SSTR3: variants seen among roughly 807,000 people sequenced by gnomAD.
The protein encoded by SSTR3 is somatostatin receptor 3.
For synonymous variants in SSTR3, 281 were observed against 269.2 expected, an observed-to-expected ratio of 1.04 and a Z score of -0.43; for missense variants, 504 against 604.7, an observed-to-expected ratio of 0.83 and a Z score of 1.75.
upstream of SSTR3, among the ~76,000 whole-genome samples, chr22:37,214,587 G>A (rs1926356441): frequency 6.6e-6 from 1 of 152,128 alleles, no homozygotes; most frequent in African/African-American, 2.4e-5. Flanking sequence ...TCTGCCTTAT[G>A]TCAGTTTAAT....
chr22:37,212,204 G>A lies in SSTR3; in HGVS notation c.-416C>T, dbSNP rs1926232225. ...AGGGGAAAGGGGGTCGGGAGGAGGTGGAGAAAGAGAGAGAGAGAGAAAGAG... is the reference window on the plus strand; with the variant it reads ...AGGGGAAAGGGGGTCGGGAGGAGGTAGAGAAAGAGAGAGAGAGAGAAAGAG... On this transcript the variant is annotated 5_prime_UTR_variant, in exon 1 of 2. Coordinates refer to ENST00000610913, the MANE Select transcript of SSTR3 (RefSeq NM_001051.5). 2 of 959,662 alleles carry A rather than the reference G, an allele frequency of 2.1e-6. No homozygotes were observed. The highest frequency in any genetic ancestry group is 2.5e-6 in the Non-Finnish European group (2 of 809,730). The allele number at this position is 959,662 out of a possible 1,614,324, so 59.4% of individuals were successfully genotyped here.
the SSTR3 span, among the ~76,000 whole-genome samples, chr22:37,219,404 T>A: frequency 3.3e-5 from 4 of 121,724 alleles, no homozygotes; most frequent in African/African-American, 1.6e-4. Flanking sequence ...AGGTGGGAAC[T>A]GTATTGAATT....
chr22:37,210,733 G>A, intron 1 of SSTR3: 1 of 985,430 alleles, frequency 1.0e-6, no homozygotes, highest in Non-Finnish European at 1.2e-6. Context: ...TGGCTGTCCT[G>A]AGCCGCACAG....
rs569376369 is a variant in SSTR3, at chr22:37,211,856, C to T, written c.-68G>A. On this transcript the variant is annotated 5_prime_UTR_variant, in exon 1 of 2. Coordinates refer to ENST00000610913, the MANE Select transcript of SSTR3 (RefSeq NM_001051.5). The stretch of plus-strand genomic sequence containing the variant: ...ATGGGGTGAGGGCTTCCCTCCTTGC[C>T]GCCAGGCTGGTTATCATTCTGCTGT... The T allele has an allele frequency of 1.7e-5, 17 of 985,744 alleles. No individual in the cohort carries two copies. In the East Asian group the frequency reaches 1.2e-3, roughly 72 times the overall value. The allele number at this position is 985,744 out of a possible 1,614,324, so 61.1% of individuals were successfully genotyped here. A position where few individuals can be genotyped will look rare whatever the true frequency, so the allele number is the denominator to read the frequency against.
rs1925574951 is a variant in SSTR3, at chr22:37,204,298, T to C, written c.*2249A>G. 6.6e-6 allele frequency: 1 copy of C among 152,240 alleles called. No homozygotes were observed. Among genetic ancestry groups the C allele is most frequent in the Admixed American group, 6.5e-5 (1 of 15,286 alleles). 9.4% of individuals were successfully genotyped at this position (152,240 alleles called of 1,614,324 possible). On this transcript the variant is annotated 3_prime_UTR_variant, in exon 2 of 2. Transcript: ENST00000610913. Reference sequence around the variant, plus strand: ...CAGAAGCAGCAAAGGGTTTCCTAACTGGCCTCCCAGGGACCATTCTAGGAC... The same window carrying C: ...CAGAAGCAGCAAAGGGTTTCCTAACCGGCCTCCCAGGGACCATTCTAGGAC...
intron 1 of SSTR3, among the ~76,000 whole-genome samples, chr22:37,208,787 A>G (rs946876159): frequency 6.6e-6 from 1 of 152,132 alleles, no homozygotes; most frequent in Admixed American, 6.5e-5. Flanking sequence ...TGGAGTCTCC[A>G]GCCAGCTTTG....
upstream of SSTR3, among the ~76,000 whole-genome samples, chr22:37,213,982 T>C (rs1337636902): frequency 6.6e-6 from 1 of 152,228 alleles, no homozygotes; most frequent in African/African-American, 2.4e-5. Context: ...TGCCGTGCAC[T>C]GAACTTAAAC....
In SSTR3 at chr22:37,207,569, T is replaced by C. The variant is rs370926465; in HGVS notation, c.235A>G (p.Thr79Ala). 1.9e-6 allele frequency: 3 copies of C among 1,613,408 alleles called. No individual in the cohort carries two copies. The highest frequency in any genetic ancestry group is 2.7e-5 in the African/African-American group (2 of 74,898). ...VLRHTASPSV[T>A]NVYILNLALA... ...GCCAGGTTGAGGATGTAGACGTTGG[T>C]GACTGAAGGGCTGGCCGTGTGCCGC... Residue 79 changes from threonine to alanine, a missense_variant, in exon 2 of 2, where the codon ACC becomes GCC. Physicochemically the swap from Thr to Ala is moderately conservative, Grantham distance 58. Transcript: ENST00000610913.
the SSTR3 span, among the ~76,000 whole-genome samples, chr22:37,219,333 G>A: frequency 6.6e-6 from 1 of 152,240 alleles, no homozygotes. Flanking sequence ...AAGGGGCTGT[G>A]CCTCACCCCT....
chr22:37,211,973 G>T lies in SSTR3; in HGVS notation c.-185C>A. 2 of 985,674 alleles carry T rather than the reference G, an allele frequency of 2.0e-6. No individual in the cohort carries two copies. Among genetic ancestry groups the T allele is most frequent in the Non-Finnish European group, 2.4e-6 (2 of 830,132 alleles). The allele number at this position is 985,674 out of a possible 1,614,324, so 61.1% of individuals were successfully genotyped here. ...CACTTCTAGACCGCTTGCGGGCTCA[G>T]GTTCCCTCCCAGGCCCTCGGCCACG... On this transcript the variant is annotated 5_prime_UTR_variant, in exon 1 of 2. In the 5' UTR this introduces an upstream ATG that the reference lacks. Transcript: ENST00000610913.
rs758882673 is a variant in SSTR3, at chr22:37,207,651, G to A, written c.153C>T (p.Tyr51=). The change falls in exon 2 of 2, where the codon TAC becomes TAT. Residue 51 remains tyrosine (Y), a synonymous_variant. Coordinates refer to ENST00000610913, the MANE Select transcript of SSTR3 (RefSeq NM_001051.5). ...AVSGVLIPLV[Y]LVVCVVGLLG... is the part of the protein sequence containing the mutation. ...GCAGGCCCACCACGCACACCACCAG[G>A]TAGACCAGGGGGATCAGAACGCCAC... 6 of 1,592,364 alleles carry A rather than the reference G, an allele frequency of 3.8e-6. No individual in the cohort carries two copies. Among genetic ancestry groups the A allele is most frequent in the African/African-American group, 1.3e-5 (1 of 74,620 alleles).
intron 1 of SSTR3, 46 bp downstream of exon 1, chr22:37,211,779 C>T: frequency 1.0e-6 from 1 of 985,524 alleles, no homozygotes; most frequent in African/African-American, 1.7e-5. Flanking sequence ...GATGGGCTTC[C>T]AGGACCCCAC....
upstream of SSTR3, among the ~76,000 whole-genome samples, chr22:37,217,026 C>T (rs1926476849): frequency 6.6e-6 from 1 of 152,166 alleles, no homozygotes; most frequent in Admixed American, 6.5e-5. Flanking sequence ...GTCTTGAACT[C>T]CTGGGCTCAA....
chr22:37,219,067 T>C, the SSTR3 span, among the ~76,000 whole-genome samples: 2 of 152,200 alleles, frequency 1.3e-5, no homozygotes, highest in Non-Finnish European at 2.9e-5. Context: ...TGCTCATACA[T>C]TGTGGTTTGG....
chr22:37,220,287 C>G, the SSTR3 span, among the ~76,000 whole-genome samples: 3 of 152,084 alleles, frequency 2.0e-5, no homozygotes, highest in Non-Finnish European at 4.4e-5. Context: ...AGGGGCCTGG[C>G]ACACAGTGAA....
At chr22:37,215,448 C>T (rs1433116521), upstream of SSTR3, among the ~76,000 whole-genome samples, 7 of 152,112 alleles carry the variant, frequency 4.6e-5, no homozygotes, top group African/African-American at 1.7e-4. Context: ...TGCAGTGGTG[C>T]GATCTTGGCT....
chr22:37,218,969 C>G, the SSTR3 span, among the ~76,000 whole-genome samples: 74 of 152,168 alleles, frequency 4.9e-4, no homozygotes, highest in Non-Finnish European at 9.1e-4. Context: ...TCCAAAGCCC[C>G]TACTCCACCC....
intron 1 of SSTR3, chr22:37,210,475 C>G (rs530829329): frequency 1.0e-6 from 1 of 975,338 alleles, no homozygotes; most frequent in East Asian, 1.1e-4. Flanking sequence ...CCGGTCTTCC[C>G]TGTCAAAGTT....
rs532524360 is a variant in SSTR3, at chr22:37,206,451, A to C, written c.*96T>G. ...AGCATCAAAGTCCAGGCCCCTCAAC[A>C]TCCCATCATGGGCCTGTGGCACCTT... On this transcript the variant is annotated 3_prime_UTR_variant, in exon 2 of 2. Transcript: ENST00000610913. The C allele has an allele frequency of 6.7e-7, 1 of 1,493,720 alleles. No homozygotes were observed. The highest frequency in any genetic ancestry group is 1.4e-5 in the African/African-American group (1 of 71,616). 92.5% of individuals were successfully genotyped at this position (1,493,720 alleles called of 1,614,324 possible).
Sources: allele counts gnomAD v4.1 joint callset (sites outside exome capture counted in the v4.1 genomes callset), GRCh38; gene constraint gnomAD v4.1.1; transcripts MANE v1.5; gene names NCBI Gene and HGNC (gene_info 2026-07-23, HGNC 2026-07-21).